Variants in RASGRF2 observed in about 807,000 individuals in gnomAD.
RASGRF2 encodes ras-specific guanine nucleotide-releasing factor 2.
A neutral mutation model predicts 151.0 loss-of-function variants in RASGRF2; 76 were observed. The ratio of observed to expected loss-of-function variants is 0.50; its 90% CI spans 0.42 to 0.61. The LOEUF is 0.61. RASGRF2 is among the 20% of genes least tolerant of loss of function. RASGRF2 has a pLI of 0.00. For synonymous variants in RASGRF2, 504 were observed against 566.5 expected, an observed-to-expected ratio of 0.89 and a Z score of 1.57; for missense variants, 1,148 against 1,564.6, an observed-to-expected ratio of 0.73 and a Z score of 4.49.
intron 17 of RASGRF2, among the ~76,000 whole-genome samples, chr5:81,143,139 A>G (rs1753922796): frequency 6.6e-6 from 1 of 150,922 alleles, no homozygotes; most frequent in Admixed American, 6.6e-5. Flanking sequence ...GAAAATACAC[A>G]TTTTTTATTT....
At chr5:81,035,888 A>G (rs1040364180) in intron 1 of RASGRF2, among the ~76,000 whole-genome samples, 3 of 152,202 alleles carry the variant, frequency 2.0e-5, no homozygotes, top group Non-Finnish European at 4.4e-5. Flanking sequence ...TGAGAACTCA[A>G]GCACTGAATT....
intron 17 of RASGRF2, among the ~76,000 whole-genome samples, chr5:81,140,505 C>G (rs1753859452): frequency 6.6e-6 from 1 of 151,902 alleles, no homozygotes; most frequent in South Asian, 2.1e-4. Flanking sequence ...AACTGCAAAG[C>G]TGCAGCTTTC....
chr5:81,113,483 G>A lies in RASGRF2; in HGVS notation c.2088-55G>A. 4 of 1,492,074 alleles carry A rather than the reference G, an allele frequency of 2.7e-6. No individual in the cohort carries two copies. In the South Asian group the frequency reaches 4.9e-5, roughly 18 times the overall value. The allele number at this position is 1,492,074 out of a possible 1,614,324, so 92.4% of individuals were successfully genotyped here. A position where few individuals can be genotyped will look rare whatever the true frequency, so the allele number is the denominator to read the frequency against. On this transcript the variant is annotated intron_variant, in intron 14 of 26. Transcript: ENST00000265080. Reference sequence around the variant, plus strand: ...GGGAACATGTTCTTGAATGACATCTGGGAATTCATTTCACTTGGCTACAAT... The same window carrying A: ...GGGAACATGTTCTTGAATGACATCTAGGAATTCATTTCACTTGGCTACAAT...
At chr5:81,168,129 C>T (rs1017190120) in intron 17 of RASGRF2, among the ~76,000 whole-genome samples, 3 of 151,988 alleles carry the variant, frequency 2.0e-5, no homozygotes, top group Admixed American at 6.6e-5. Context: ...GCCCTCTCCC[C>T]GAGGCTGTGG....
intron 17 of RASGRF2, among the ~76,000 whole-genome samples, chr5:81,174,206 T>C (rs1350648232): frequency 1.3e-5 from 2 of 152,156 alleles, no homozygotes; most frequent in African/African-American, 4.8e-5. Context: ...TCCCATGAAG[T>C]CAATGGGAAA....
intron 17 of RASGRF2, among the ~76,000 whole-genome samples, chr5:81,148,084 G>GAAGC (rs776366342): frequency 1.5e-4 from 23 of 152,238 alleles, no homozygotes; most frequent in Admixed American, 3.3e-4. Context: ...TAGCATTATG[G>GAAGC]ATTTACGAAG....
intron 18 of RASGRF2, among the ~76,000 whole-genome samples, chr5:81,197,926 A>G (rs1283333609): frequency 6.6e-6 from 1 of 152,170 alleles, no homozygotes; most frequent in Non-Finnish European, 1.5e-5. Flanking sequence ...TAATTAAGTA[A>G]TGAAAGAGAC....
chr5:81,156,807 C>G (rs1348660872), intron 17 of RASGRF2, among the ~76,000 whole-genome samples: 2 of 152,068 alleles, frequency 1.3e-5, no homozygotes, highest in African/African-American at 4.8e-5. Context: ...CAACATTGCG[C>G]TGGAGTATCT....
At chr5:81,040,586 A>C (rs899708928) in intron 1 of RASGRF2, among the ~76,000 whole-genome samples, 17 of 152,214 alleles carry the variant, frequency 1.1e-4, no homozygotes, top group African/African-American at 4.1e-4. Context: ...GATGTTATGC[A>C]TGGATCTTAG....
intron 23 of RASGRF2, among the ~76,000 whole-genome samples, chr5:81,214,469 A>G (rs953418090): frequency 4.6e-5 from 7 of 152,152 alleles, no homozygotes; most frequent in Non-Finnish European, 4.4e-5. Context: ...TCAGCCGGGG[A>G]GTTGTTCAGC....
chr5:81,188,645 CT>C (rs1215997592), intron 18 of RASGRF2, among the ~76,000 whole-genome samples: 1 of 152,200 alleles, frequency 6.6e-6, no homozygotes, highest in East Asian at 1.9e-4. Flanking sequence ...ATATCAGACA[CT>C]GTTTCAAGTT....
intron 1 of RASGRF2, among the ~76,000 whole-genome samples, chr5:81,026,091 C>CT (rs1356897971): frequency 2.1e-5 from 3 of 142,146 alleles, no homozygotes; most frequent in Non-Finnish European, 4.6e-5. Flanking sequence ...CTTCCTTCCT[C>CT]CCTTCCTCTG....
chr5:81,121,629 C>T (rs1408672035), intron 15 of RASGRF2, among the ~76,000 whole-genome samples: 2 of 152,174 alleles, frequency 1.3e-5, no homozygotes, highest in Non-Finnish European at 2.9e-5. Flanking sequence ...TCATTCCTCA[C>T]GTCTGTTCCA....
At chr5:81,022,706 C>G (rs569812759) in intron 1 of RASGRF2, among the ~76,000 whole-genome samples, 3 of 152,280 alleles carry the variant, frequency 2.0e-5, no homozygotes, top group South Asian at 2.1e-4. Flanking sequence ...TGGGACTTCC[C>G]TTAGTTCATG....
chr5:81,034,809 G>GGGGGGGGGA (rs1750416794), intron 1 of RASGRF2, among the ~76,000 whole-genome samples: 2 of 84,134 alleles, frequency 2.4e-5, no homozygotes, highest in African/African-American at 8.4e-5. Flanking sequence ...TGGGGTGGGA[G>GGGGGGGGGA]GGGGGTAGGG....
intron 19 of RASGRF2, among the ~76,000 whole-genome samples, chr5:81,201,673 T>C (rs908172880): frequency 1.3e-5 from 2 of 152,184 alleles, no homozygotes; most frequent in Non-Finnish European, 2.9e-5. Context: ...CTGTTATTTA[T>C]GGAGGCAGAC....
intron 21 of RASGRF2, among the ~76,000 whole-genome samples, chr5:81,208,121 C>G (rs915453594): frequency 6.6e-6 from 1 of 152,148 alleles, no homozygotes; most frequent in African/African-American, 2.4e-5. Flanking sequence ...GACACAGTTC[C>G]AAACATTTAT....
intron 18 of RASGRF2, among the ~76,000 whole-genome samples, chr5:81,198,921 A>G (rs1165020574): frequency 1.3e-5 from 2 of 152,356 alleles, no homozygotes; most frequent in East Asian, 1.9e-4. Flanking sequence ...TCCTTTGGGT[A>G]TATACCCAGG....
chr5:81,053,516 A>T (rs1261812120), intron 2 of RASGRF2, among the ~76,000 whole-genome samples: 2 of 151,904 alleles, frequency 1.3e-5, no homozygotes, highest in East Asian at 1.9e-4. Flanking sequence ...TTCTTAATCC[A>T]GTCTATCATT....
Sources: allele counts gnomAD v4.1 joint callset (sites outside exome capture counted in the v4.1 genomes callset), GRCh38; gene constraint gnomAD v4.1.1; transcripts MANE v1.5; gene names NCBI Gene and HGNC (gene_info 2026-07-23, HGNC 2026-07-21).